The following CSMD2 variants were observed in gnomAD, a reference collection of about 807,000 sequenced individuals.
CSMD2 encodes the protein CUB and Sushi multiple domains 2, also known as CUB and sushi domain-containing protein 2.
A neutral mutation model predicts 398.5 loss-of-function variants in CSMD2; 130 were observed. That is an observed-to-expected ratio of 0.33 (90% confidence interval 0.28 to 0.38). The LOEUF is 0.38. Ranked by LOEUF, CSMD2 falls within the 10% of genes least tolerant of loss-of-function variation. CSMD2 has a pLI of 1.00. For missense variants in CSMD2, 3,829 were observed against 4,764.9 expected (o/e 0.80, Z 5.78); for synonymous variants, 1,828 against 1,908.5 (o/e 0.96, Z 1.10).
At chr1:33,627,833 A>T (rs544598736) in intron 32 of CSMD2, among the ~76,000 whole-genome samples, 29 of 152,310 alleles carry the variant, frequency 1.9e-4, no homozygotes, top group African/African-American at 6.7e-4. Context: ...GCAGAGTGAA[A>T]CTCAACTTTT....
intron 3 of CSMD2, among the ~76,000 whole-genome samples, chr1:34,021,152 A>G (rs941889985): frequency 1.3e-5 from 2 of 152,238 alleles, no homozygotes; most frequent in Non-Finnish European, 2.9e-5. Context: ...TTATTCATTA[A>G]TGGCAAGAGG....
chr1:33,885,389 AT>A (rs1349615593), intron 5 of CSMD2: 1 of 152,184 alleles, frequency 6.6e-6, no homozygotes, highest in Non-Finnish European at 1.5e-5. Context: ...TAAGACAACA[AT>A]GAACTTAAGA....
chr1:33,574,726 T>C (rs114773047), intron 49 of CSMD2, among the ~76,000 whole-genome samples: 6 of 152,306 alleles, frequency 3.9e-5, no homozygotes, highest in Non-Finnish European at 8.8e-5. Flanking sequence ...TGTGGGACTT[T>C]CCAGAAGAGG....
intron 22 of CSMD2, among the ~76,000 whole-genome samples, chr1:33,703,910 C>T (rs1035207470): frequency 6.6e-6 from 1 of 152,140 alleles, no homozygotes; most frequent in African/African-American, 2.4e-5. Context: ...ATATGTAAAT[C>T]CTTGATCGCC....
chr1:33,862,238 C>T (rs1298418878), intron 5 of CSMD2: 4 of 152,074 alleles, frequency 2.6e-5, no homozygotes, highest in Non-Finnish European at 5.9e-5. Flanking sequence ...CCTTTTACTG[C>T]CTTTTCTTCT....
chr1:33,871,816 C>T (rs942034594), intron 5 of CSMD2, among the ~76,000 whole-genome samples: 5 of 152,064 alleles, frequency 3.3e-5, no homozygotes, highest in Admixed American at 6.6e-5. Flanking sequence ...GGGGTTTCAC[C>T]GTGTTTGCCA....
intron 1 of CSMD2, among the ~76,000 whole-genome samples, chr1:34,130,768 T>C (rs1176180983): frequency 6.6e-6 from 1 of 152,090 alleles, no homozygotes; most frequent in African/African-American, 2.4e-5. Context: ...TCTCTCAGGA[T>C]GTCTTTCTTC....
intron 42 of CSMD2, among the ~76,000 whole-genome samples, chr1:33,602,767 C>T (rs926905819): frequency 1.3e-5 from 2 of 152,144 alleles, no homozygotes; most frequent in African/African-American, 4.8e-5. Context: ...CACTGCAGGC[C>T]CCTCTGTGGG....
chr1:33,724,365 C>A lies in CSMD2; in HGVS notation c.2885-52G>T, dbSNP rs924839463. The A allele has an allele frequency of 4.6e-6, 7 of 1,505,944 alleles. 1 individual carries two copies. Among genetic ancestry groups the A allele is most frequent in the South Asian group, 2.3e-5 (2 of 87,368 alleles). 93.3% of individuals were successfully genotyped at this position (1,505,944 alleles called of 1,614,324 possible). On this transcript the variant is annotated intron_variant, in intron 18 of 70. Transcript: ENST00000373381. Reference sequence around the variant, plus strand: ...AAAGACCAGAGGGCCTCAGGGAGCACCCCCGTCATCCTCCTGGGACCCCAT... The same window carrying A: ...AAAGACCAGAGGGCCTCAGGGAGCAACCCCGTCATCCTCCTGGGACCCCAT...
intron 1 of CSMD2, among the ~76,000 whole-genome samples, chr1:34,136,459 C>G (rs1638761737): frequency 6.6e-6 from 1 of 152,300 alleles, no homozygotes; most frequent in South Asian, 2.1e-4. Context: ...GATCAGAGAT[C>G]ATGAAGACAG....
chr1:33,832,150 C>A (rs1459687096), intron 6 of CSMD2, among the ~76,000 whole-genome samples: 2 of 127,250 alleles, frequency 1.6e-5, no homozygotes, highest in East Asian at 2.5e-4. Flanking sequence ...CTCAGCTCTG[C>A]ACCAAGTGGA....
At chr1:33,968,201 A>G (rs1645630213) in intron 3 of CSMD2, among the ~76,000 whole-genome samples, 2 of 152,184 alleles carry the variant, frequency 1.3e-5, no homozygotes, top group African/African-American at 4.8e-5. Flanking sequence ...TAGGTGAGTT[A>G]TCTTTGCATC....
At chr1:33,848,761 TACA>T (rs1638476299) in intron 5 of CSMD2, among the ~76,000 whole-genome samples, 1 of 151,412 alleles carries the variant, frequency 6.6e-6, no homozygotes, top group African/African-American at 2.4e-5. Flanking sequence ...AATAGTTTAT[TACA>T]GACTGAGTCA....
intron 13 of CSMD2, among the ~76,000 whole-genome samples, chr1:33,757,594 C>T (rs768322930): frequency 6.6e-6 from 1 of 152,180 alleles, no homozygotes; most frequent in Non-Finnish European, 1.5e-5. Context: ...TCTAGTAACC[C>T]AAACCCTCCT....
chr1:33,646,017 C>G lies in CSMD2; in HGVS notation c.4774+631G>C, dbSNP rs149334196. 1.6e-3 allele frequency among the ~76,000 whole-genome samples: 244 copies of G among 152,330 alleles called. 2 individuals carry two copies. The highest frequency in any genetic ancestry group is 4.8e-3 in the African/African-American group (200 of 41,564). On this transcript the variant is annotated intron_variant, in intron 29 of 70. Transcript: ENST00000373381. The stretch of plus-strand genomic sequence containing the variant: ...GTGATAGGTAAACCTACAATATTTA[C>G]TATTTTTAGGGGAAAAATTGTTGAC...
intron 1 of CSMD2, among the ~76,000 whole-genome samples, chr1:34,128,641 G>A (rs112932868): frequency 3.3e-5 from 5 of 152,248 alleles, no homozygotes; most frequent in South Asian, 2.1e-4. Context: ...TGCAGCTGTC[G>A]GCCTTGTTGA....
chr1:33,525,498 A>T (rs184516023), intron 65 of CSMD2, among the ~76,000 whole-genome samples: 1 of 152,310 alleles, frequency 6.6e-6, no homozygotes, highest in East Asian at 1.9e-4. Context: ...AATCTAAAAA[A>T]GTTGAACTCA....
chr1:33,974,527 AT>A (rs1338581736), intron 3 of CSMD2, among the ~76,000 whole-genome samples: 1 of 152,234 alleles, frequency 6.6e-6, no homozygotes, highest in East Asian at 1.9e-4. Flanking sequence ...CACTCCAACG[AT>A]CCCCATTTTA....
At chr1:33,614,670 C>A in intron 39 of CSMD2, 50 bp from the exon 40 acceptor site, 2 of 1,049,718 alleles carry the variant, frequency 1.9e-6, no homozygotes, top group Non-Finnish European at 2.9e-6. Flanking sequence ...AAGGGGTGTA[C>A]AGGGCCCTGC....
Sources: gnomAD v4.1 joint callset for allele counts (sites outside exome capture counted in the v4.1 genomes callset) on GRCh38, gnomAD v4.1.1 for gene constraint, MANE v1.5 for transcripts, NCBI Gene and HGNC (gene_info 2026-07-23, HGNC 2026-07-21) for gene names.